SNCAIP: variants seen among roughly 807,000 people sequenced by gnomAD.
SNCAIP encodes the protein synphilin-1.
Under a neutral mutation model 86.7 loss-of-function variants are expected in SNCAIP, and 43 were observed. That is an observed-to-expected ratio of 0.50 (90% CI 0.39 to 0.64). The LOEUF (loss-of-function observed/expected upper bound fraction) is 0.64. Ranked by LOEUF, SNCAIP falls within the 30% of genes least tolerant of loss-of-function variation. The probability of loss-of-function intolerance (pLI) is 0.00; values close to 1 mark genes in which losing one functional copy is unlikely to be tolerated. For missense variants in SNCAIP, 981 were observed against 1,103.1 expected, an observed-to-expected ratio of 0.89 and a Z score of 1.57; for synonymous variants, 417 against 427.2, an observed-to-expected ratio of 0.98 and a Z score of 0.29.
intron 1 of SNCAIP, among the ~76,000 whole-genome samples, chr5:122,386,868 A>G (rs1298647329): frequency 6.6e-6 from 1 of 152,182 alleles, no homozygotes; most frequent in East Asian, 1.9e-4. Flanking sequence ...TAAATAAATA[A>G]CAAATCAAGA....
chr5:122,402,801 C>T (rs1239082068), intron 2 of SNCAIP, among the ~76,000 whole-genome samples: 1 of 151,944 alleles, frequency 6.6e-6, no homozygotes, highest in Non-Finnish European at 1.5e-5. Flanking sequence ...TTTCTCAATC[C>T]CCCCAAATTT....
intron 1 of SNCAIP, among the ~76,000 whole-genome samples, chr5:122,343,270 GT>G (rs780809523): frequency 1.3e-5 from 2 of 152,130 alleles, no homozygotes; most frequent in East Asian, 3.8e-4. Flanking sequence ...CCATTAAGTC[GT>G]TTTCTCATGT....
intron 7 of SNCAIP, among the ~76,000 whole-genome samples, chr5:122,442,621 A>G (rs1018073673): frequency 2.0e-5 from 3 of 152,262 alleles, no homozygotes; most frequent in African/African-American, 7.2e-5. Context: ...ATGATTGAAT[A>G]AACATTGAAA....
At chr5:122,366,879 A>G (rs1214158622) in intron 1 of SNCAIP, among the ~76,000 whole-genome samples, 2 of 152,080 alleles carry the variant, frequency 1.3e-5, no homozygotes, top group South Asian at 2.1e-4. Context: ...GACTCCTAGA[A>G]TTATTTTTTA....
chr5:122,437,226 T>C (rs1779697478), intron 6 of SNCAIP: 1 of 152,234 alleles, frequency 6.6e-6, no homozygotes, highest in African/African-American at 2.4e-5. Context: ...AAGTGCCCTC[T>C]TGGCTGAAGA....
At chr5:122,453,061 T>A in intron 10 of SNCAIP, 1 of 1,001,508 alleles carries the variant, frequency 1.0e-6, no homozygotes, top group Non-Finnish European at 1.5e-6. Flanking sequence ...CATGAGCTTT[T>A]AAATCATGGA....
chr5:122,417,473 G>A (rs758873792), intron 3 of SNCAIP, among the ~76,000 whole-genome samples: 16 of 152,166 alleles, frequency 1.1e-4, no homozygotes, highest in Admixed American at 3.3e-4. Context: ...GGAAATAGAT[G>A]AAAGTGTTTT....
At chr5:122,413,392 C>G (rs1581094423) in intron 3 of SNCAIP, among the ~76,000 whole-genome samples, 1 of 152,286 alleles carries the variant, frequency 6.6e-6, no homozygotes, top group East Asian at 1.9e-4. Flanking sequence ...TATATTATCT[C>G]CCAGTTTCTC....
chr5:122,438,707 A>T (rs1780096398), intron 6 of SNCAIP, among the ~76,000 whole-genome samples: 1 of 152,224 alleles, frequency 6.6e-6, no homozygotes, highest in Non-Finnish European at 1.5e-5. Flanking sequence ...ATGCCATCAC[A>T]TGAGGACTTG....
chr5:122,313,574 G>C (rs1292013294), intron 1 of SNCAIP, among the ~76,000 whole-genome samples: 1 of 152,218 alleles, frequency 6.6e-6, no homozygotes, highest in East Asian at 1.9e-4. Flanking sequence ...TATTTCATTT[G>C]TACATATTGA....
At chr5:122,396,208 A>C (rs1770588526) in intron 2 of SNCAIP, among the ~76,000 whole-genome samples, 1 of 152,138 alleles carries the variant, frequency 6.6e-6, no homozygotes, top group East Asian at 1.9e-4. Flanking sequence ...CATATGCCAT[A>C]TGTGTTATCT....
At chr5:122,460,596 T>C (rs2153036734) in intron 10 of SNCAIP, among the ~76,000 whole-genome samples, 1 of 152,178 alleles carries the variant, frequency 6.6e-6, no homozygotes, top group East Asian at 1.9e-4. Context: ...CCCACCCCCA[T>C]GAATATAGTT....
chr5:122,319,149 GT>G (rs1488076821), intron 1 of SNCAIP, among the ~76,000 whole-genome samples: 3 of 150,670 alleles, frequency 2.0e-5, no homozygotes, highest in Non-Finnish European at 3.0e-5. Context: ...ATTTTTTGTT[GT>G]TGTTGTTTTT....
At position 122,423,175 on chromosome 5, in the gene SNCAIP, C is replaced by T. The variant is rs150946460; in HGVS notation, c.438C>T (p.Tyr146=). The stretch of plus-strand genomic sequence containing the variant: ...CATCGCTGGGTGAACTGGAGCACTA[C>T]GACCTCGACATGGATGAGATTCTGG... ...PSTSLGELEH[Y]DLDMDEILDV... Residue 146 remains tyrosine, a synonymous_variant, in exon 4 of 11, where the codon TAC becomes TAT. Transcript: ENST00000261368. The T allele has an allele frequency of 1.4e-5, 23 of 1,614,148 alleles. No homozygotes were observed. Among genetic ancestry groups the T allele is most frequent in the Middle Eastern group, 1.6e-4 (1 of 6,062 alleles).
At chr5:122,321,176 T>A (rs1752851724) in intron 1 of SNCAIP, 1 of 152,232 alleles carries the variant, frequency 6.6e-6, no homozygotes, top group South Asian at 2.1e-4. Flanking sequence ...ACAGGTGACA[T>A]CAATTTTAAT....
chr5:122,369,790 G>A (rs1181107556), intron 1 of SNCAIP: 1 of 152,142 alleles, frequency 6.6e-6, no homozygotes, highest in African/African-American at 2.4e-5. Flanking sequence ...TCTGAGAAAT[G>A]GGCTTTCTGC....
At chr5:122,347,993 TATAG>T in intron 1 of SNCAIP, among the ~76,000 whole-genome samples, 1 of 152,066 alleles carries the variant, frequency 6.6e-6, no homozygotes, top group East Asian at 1.9e-4. Context: ...CAAGCCAACG[TATAG>T]ATAGTTTGTT....
At chr5:122,396,290 T>C (rs1770604545) in intron 2 of SNCAIP, among the ~76,000 whole-genome samples, 1 of 152,152 alleles carries the variant, frequency 6.6e-6, no homozygotes, top group Non-Finnish European at 1.5e-5. Flanking sequence ...TACATTTTGA[T>C]ATTCTATTGT....
chr5:122,342,127 G>A (rs936362371), intron 1 of SNCAIP, among the ~76,000 whole-genome samples: 2 of 152,090 alleles, frequency 1.3e-5, no homozygotes, highest in Admixed American at 1.3e-4. Flanking sequence ...ACTATTGGTT[G>A]CTAAGCATCA....
Sources: gnomAD v4.1 joint callset for allele counts (sites outside exome capture counted in the v4.1 genomes callset) on GRCh38, gnomAD v4.1.1 for gene constraint, MANE v1.5 for transcripts, NCBI Gene and HGNC (gene_info 2026-07-23, HGNC 2026-07-21) for gene names.